The following CADM2 variants were observed in gnomAD, a reference collection of about 807,000 sequenced individuals.
The protein encoded by CADM2 is cell adhesion molecule 2.
A neutral mutation model predicts 49.8 loss-of-function variants in CADM2; 12 were observed. The observed-to-expected ratio is 0.24, with a 90% confidence interval of 0.15 to 0.39. The LOEUF is 0.39. Ranked by LOEUF, CADM2 falls within the 10% of genes least tolerant of loss-of-function variation. CADM2 has a pLI of 1.00. For missense variants in CADM2, 378 were observed against 492.3 expected (o/e 0.77, Z 2.20); for synonymous variants, 214 against 175.4 (o/e 1.22, Z -1.74).
chr3:85,333,100 A>G (rs571858048), intron 1 of CADM2, among the ~76,000 whole-genome samples: 1 of 151,946 alleles, frequency 6.6e-6, no homozygotes, highest in Non-Finnish European at 1.5e-5. Context: ...ATTAAATATA[A>G]TGCTCCTGTG....
chr3:84,997,837 C>A (rs1311416437), intron 1 of CADM2, among the ~76,000 whole-genome samples: 1 of 151,996 alleles, frequency 6.6e-6, no homozygotes, highest in Non-Finnish European at 1.5e-5. Context: ...AGTATCCAAG[C>A]AGTTGCTAAA....
intron 8 of CADM2, among the ~76,000 whole-genome samples, chr3:86,019,458 T>A (rs1416057707): frequency 6.6e-6 from 1 of 151,310 alleles, no homozygotes; most frequent in Non-Finnish European, 1.5e-5. Flanking sequence ...AATCTGTAAA[T>A]TATCTTGGGC....
At chr3:85,350,558 A>G (rs542075136) in intron 1 of CADM2, among the ~76,000 whole-genome samples, 1 of 152,300 alleles carries the variant, frequency 6.6e-6, no homozygotes, top group Admixed American at 6.5e-5. Context: ...TTATCCAAGT[A>G]TAACTTGTCT....
At chr3:85,161,377 G>C (rs1405718817) in intron 1 of CADM2, among the ~76,000 whole-genome samples, 1 of 152,052 alleles carries the variant, frequency 6.6e-6, no homozygotes, top group African/African-American at 2.4e-5. Context: ...TCCTGTTTCT[G>C]TATGCCAGAG....
chr3:85,742,957 C>T (rs1229134578), intron 2 of CADM2, among the ~76,000 whole-genome samples: 1 of 152,060 alleles, frequency 6.6e-6, no homozygotes, highest in East Asian at 1.9e-4. Context: ...TGATTTAGTT[C>T]TTTCTACTAG....
At chr3:85,375,267 A>G (rs2107334291) in intron 1 of CADM2, among the ~76,000 whole-genome samples, 1 of 152,342 alleles carries the variant, frequency 6.6e-6, no homozygotes, top group South Asian at 2.1e-4. Context: ...TAATAGAGTT[A>G]GGCTTTGAAG....
chr3:85,495,041 T>C (rs993035120), intron 1 of CADM2, among the ~76,000 whole-genome samples: 1 of 152,224 alleles, frequency 6.6e-6, no homozygotes, highest in Non-Finnish European at 1.5e-5. Context: ...TTCATGTGTA[T>C]GTAATTTTAT....
At position 85,544,486 on chromosome 3, in the gene CADM2, T is replaced by C. The variant is rs971454968; in HGVS notation, c.62-182036T>C. On this transcript the variant is annotated intron_variant, in intron 1 of 9. Coordinates refer to ENST00000383699, the MANE Select transcript of CADM2 (RefSeq NM_001167675.2). ...CAGCGACTGGGGAGGCTGAGGCGGG[T>C]GAATGGCGTGAACCCGGGAGGCGGA... 4.6e-5 allele frequency among the ~76,000 whole-genome samples: 7 copies of C among 151,560 alleles called. No individual in the cohort carries two copies. In the South Asian group the frequency reaches 1.5e-3, roughly 32 times the overall value.
At chr3:85,854,107 TA>T (rs2075212596) in intron 3 of CADM2, among the ~76,000 whole-genome samples, 2 of 152,078 alleles carry the variant, frequency 1.3e-5, no homozygotes, top group African/African-American at 4.8e-5. Flanking sequence ...TAAACTTTTT[TA>T]AAAACTAAAA....
At chr3:85,396,267 G>C (rs1053882557) in intron 1 of CADM2, among the ~76,000 whole-genome samples, 1 of 151,016 alleles carries the variant, frequency 6.6e-6, no homozygotes, top group South Asian at 2.1e-4. Context: ...TTTTTTTCTT[G>C]GCCAATTAGA....
intron 1 of CADM2, among the ~76,000 whole-genome samples, chr3:85,264,623 T>A (rs1283479906): frequency 6.6e-6 from 1 of 152,018 alleles, no homozygotes; most frequent in East Asian, 1.9e-4. Context: ...ACACTTAATT[T>A]TGAAACAATT....
intron 1 of CADM2, among the ~76,000 whole-genome samples, chr3:85,376,497 C>T (rs1191430411): frequency 1.3e-5 from 2 of 151,872 alleles, no homozygotes; most frequent in East Asian, 1.9e-4. Flanking sequence ...TAAAACTAAG[C>T]CATTGAAACT....
At chr3:85,267,053 G>A (rs2043137250) in intron 1 of CADM2, among the ~76,000 whole-genome samples, 1 of 151,770 alleles carries the variant, frequency 6.6e-6, no homozygotes, top group Non-Finnish European at 1.5e-5. Context: ...GGTATAATGA[G>A]TTATTTTTTC....
At chr3:85,230,119 T>C (rs1170335442) in intron 1 of CADM2, among the ~76,000 whole-genome samples, 1 of 152,166 alleles carries the variant, frequency 6.6e-6, no homozygotes, top group Non-Finnish European at 1.5e-5. Flanking sequence ...TGGGCCCTGG[T>C]ATGCTCTGAT....
intron 3 of CADM2, among the ~76,000 whole-genome samples, chr3:85,811,771 A>G (rs2072891977): frequency 1.3e-5 from 2 of 152,054 alleles, no homozygotes; most frequent in Admixed American, 1.3e-4. Flanking sequence ...GTAGATAGTC[A>G]CCACCATTGT....
intron 1 of CADM2, among the ~76,000 whole-genome samples, chr3:85,302,618 A>G (rs1236255911): frequency 1.3e-5 from 2 of 151,988 alleles, no homozygotes; most frequent in African/African-American, 4.8e-5. Flanking sequence ...GTTAAATTGG[A>G]TACTGCATAA....
rs147975535 is a variant in CADM2, at chr3:85,046,978, G to A, written c.61+87310G>A. Among the ~76,000 whole-genome samples, 550 of 152,042 alleles carry A rather than the reference G, an allele frequency of 3.6e-3. 2 individuals are homozygous for A. The highest frequency in any genetic ancestry group is 0.013 in the African/African-American group (529 of 41,486). ...AAAATAATAAACAATAGCTTATCAT[G>A]TCCTAAAAAATAAGACATAAAAGGT... On this transcript the variant is annotated intron_variant, in intron 1 of 9. Coordinates refer to ENST00000383699, the MANE Select transcript of CADM2 (RefSeq NM_001167675.2).
chr3:85,588,637 T>A (rs1450123278), intron 1 of CADM2, among the ~76,000 whole-genome samples: 1 of 152,088 alleles, frequency 6.6e-6, no homozygotes, highest in Non-Finnish European at 1.5e-5. Context: ...AGCTCTGCTG[T>A]GTACTGATTT....
At chr3:85,593,773 G>A (rs567441982) in intron 1 of CADM2, among the ~76,000 whole-genome samples, 274 of 152,096 alleles carry the variant, frequency 1.8e-3, no homozygotes, top group Non-Finnish European at 3.6e-3. Flanking sequence ...TAAGCAGTAG[G>A]AAATCGGATG....
Sources: allele counts gnomAD v4.1 joint callset (sites outside exome capture counted in the v4.1 genomes callset), GRCh38; gene constraint gnomAD v4.1.1; transcripts MANE v1.5; gene names NCBI Gene and HGNC (gene_info 2026-07-23, HGNC 2026-07-21).